The following SPMAP2L variants were observed in gnomAD, a reference collection of about 807,000 sequenced individuals.
The protein encoded by SPMAP2L is sperm microtubule associated protein 2 like.
the SPMAP2L span, among the ~76,000 whole-genome samples, chr4:56,572,384 G>A: frequency 6.8e-4 from 104 of 152,276 alleles, no homozygotes; most frequent in African/African-American, 2.3e-3. Flanking sequence ...ATTGTTGACC[G>A]AAAGGTCATT....
the SPMAP2L span, chr4:56,594,940 AG>A: frequency 6.2e-7 from 1 of 1,612,094 alleles, no homozygotes. Context: ...TTCCCCACAG[AG>A]GAGGTGGTCC....
the SPMAP2L span, among the ~76,000 whole-genome samples, chr4:56,535,636 C>T: frequency 6.6e-6 from 1 of 152,172 alleles, no homozygotes; most frequent in East Asian, 1.9e-4. Context: ...TAAAGCCCTT[C>T]CTTCTTTAAC....
chr4:56,558,303 G>A, the SPMAP2L span, among the ~76,000 whole-genome samples: 4 of 152,056 alleles, frequency 2.6e-5, no homozygotes, highest in African/African-American at 9.7e-5. Context: ...AGTCTCTGCT[G>A]TTTCTCACCC....
the SPMAP2L span, among the ~76,000 whole-genome samples, chr4:56,538,655 T>C: frequency 5.3e-3 from 801 of 152,178 alleles, 3 homozygotes; most frequent in Middle Eastern, 0.014. Flanking sequence ...ATATAAAAAT[T>C]AGCTAGGCAT....
At chr4:56,618,217 T>C in the SPMAP2L span, among the ~76,000 whole-genome samples, 1 of 152,092 alleles carries the variant, frequency 6.6e-6, no homozygotes, top group East Asian at 1.9e-4. Flanking sequence ...ACCACTCTCT[T>C]CCCTTCCCAG....
chr4:56,613,139 A>G, the SPMAP2L span, among the ~76,000 whole-genome samples: 4 of 152,128 alleles, frequency 2.6e-5, no homozygotes, highest in African/African-American at 4.8e-5. Flanking sequence ...GTGCTGGCCC[A>G]TGGCCACCCT....
the SPMAP2L span, among the ~76,000 whole-genome samples, chr4:56,544,016 C>T: frequency 6.6e-6 from 1 of 150,902 alleles, no homozygotes; most frequent in Non-Finnish European, 1.5e-5. Context: ...GATGGAGTCT[C>T]GCTCTCTTGC....
the SPMAP2L span, among the ~76,000 whole-genome samples, chr4:56,556,389 T>C: frequency 1.3e-5 from 2 of 152,254 alleles, no homozygotes; most frequent in East Asian, 3.9e-4. Flanking sequence ...AGAAATAAGG[T>C]AGAAAATGCT....
At chr4:56,609,133 T>C in the SPMAP2L span, among the ~76,000 whole-genome samples, 5 of 147,396 alleles carry the variant, frequency 3.4e-5, no homozygotes, top group African/African-American at 1.0e-4. Flanking sequence ...CACTGCAACC[T>C]CTGCCTCCCG....
the SPMAP2L span, among the ~76,000 whole-genome samples, chr4:56,617,771 T>A: frequency 2.6e-5 from 4 of 152,178 alleles, no homozygotes; most frequent in Admixed American, 2.6e-4. Flanking sequence ...AAGAATCTGA[T>A]CACACGTGGG....
At chr4:56,530,785 C>T in the SPMAP2L span, 7 of 1,535,264 alleles carry the variant, frequency 4.6e-6, no homozygotes, top group African/African-American at 9.6e-5. Flanking sequence ...GCCCATTGTG[C>T]TCAGGATTCT....
chr4:56,579,079 A>G, the SPMAP2L span, among the ~76,000 whole-genome samples: 1 of 152,068 alleles, frequency 6.6e-6, no homozygotes, highest in Non-Finnish European at 1.5e-5. Flanking sequence ...GTAGTGAAAT[A>G]GAAGGCTTGA....
the SPMAP2L span, chr4:56,594,039 G>T: frequency 6.2e-7 from 1 of 1,611,418 alleles, no homozygotes; most frequent in South Asian, 1.1e-5. Context: ...ATCAATTTTC[G>T]GCTTTTTGAG....
At chr4:56,561,975 C>T in the SPMAP2L span, among the ~76,000 whole-genome samples, 4 of 152,060 alleles carry the variant, frequency 2.6e-5, no homozygotes, top group Non-Finnish European at 5.9e-5. Context: ...CTGCCTGCCT[C>T]GGCCTCCCAA....
the SPMAP2L span, among the ~76,000 whole-genome samples, chr4:56,553,923 G>A: frequency 1.3e-5 from 2 of 151,528 alleles, no homozygotes; most frequent in African/African-American, 4.8e-5. Context: ...AAGTCATCTA[G>A]TTGGAACTGT....
At chr4:56,571,961 ATGGAGC>A in the SPMAP2L span, among the ~76,000 whole-genome samples, 1 of 152,176 alleles carries the variant, frequency 6.6e-6, no homozygotes. Flanking sequence ...CAAAACATGC[ATGGAGC>A]TGTCATCTCC....
the SPMAP2L span, among the ~76,000 whole-genome samples, chr4:56,581,239 G>A: frequency 6.6e-6 from 1 of 152,120 alleles, no homozygotes; most frequent in Non-Finnish European, 1.5e-5. Context: ...CAGATCACCT[G>A]AAGTCAGGAG....
chr4:56,623,054 A>T, the SPMAP2L span, among the ~76,000 whole-genome samples: 1 of 151,980 alleles, frequency 6.6e-6, no homozygotes, highest in Non-Finnish European at 1.5e-5. Flanking sequence ...TTTCCTCCAT[A>T]TGTTCCCTTT....
At chr4:56,575,744 TC>T in the SPMAP2L span, 1 of 1,114,828 alleles carries the variant, frequency 9.0e-7, no homozygotes, top group Non-Finnish European at 1.2e-6. Context: ...GAGCTAAGAG[TC>T]CACTTGTGTT....
Sources: allele counts gnomAD v4.1 joint callset (sites outside exome capture counted in the v4.1 genomes callset), GRCh38; gene constraint gnomAD v4.1.1; transcripts MANE v1.5; gene names NCBI Gene and HGNC (gene_info 2026-07-23, HGNC 2026-07-21).